The following NDUFAF7 variants were observed in gnomAD, a reference collection of about 807,000 sequenced individuals.
NDUFAF7 encodes the protein protein arginine methyltransferase NDUFAF7, mitochondrial.
Under a neutral mutation model 47.2 loss-of-function variants are expected in NDUFAF7, and 48 were observed. The observed-to-expected ratio is 1.02, with a 90% CI of 0.81 to 1.29. The LOEUF (loss-of-function observed/expected upper bound fraction) is 1.29, where lower values mean the gene tolerates loss of function less well. NDUFAF7 is among the 50% of genes most tolerant of loss of function. NDUFAF7 has a pLI of 0.00. For missense variants in NDUFAF7, 635 were observed against 537.6 expected (o/e 1.18, Z -1.79); for synonymous variants, 217 against 190.0 (o/e 1.14, Z -1.17).
In NDUFAF7 at chr2:37,241,773, C is replaced by G. The variant is rs1348349852; in HGVS notation, c.604C>G (p.Leu202Val). 1 of 1,613,504 alleles carries G rather than the reference C, an allele frequency of 6.2e-7. No homozygotes were observed. Among genetic ancestry groups the G allele is most frequent in the Non-Finnish European group, 8.5e-7 (1 of 1,179,966 alleles). ...SGIPISWYRD[L>V]HDVPKGYSFY... ...GATTCCAATTTCCTGGTACCGAGATCTGCACGATGTTCCAAAAGGTAATTA... is the reference window on the plus strand; with the variant it reads ...GATTCCAATTTCCTGGTACCGAGATGTGCACGATGTTCCAAAAGGTAATTA... The change falls in exon 5 of 10, where the codon CTG (leucine) becomes GTG (valine). Residue 202 changes from leucine to valine, a missense_variant. Physicochemically the swap from Leu to Val is conservative, Grantham distance 32 (BLOSUM62 1). Coordinates refer to ENST00000002125, the MANE Select transcript of NDUFAF7 (RefSeq NM_144736.5).
intron 4 of NDUFAF7, among the ~76,000 whole-genome samples, chr2:37,239,362 G>A (rs1021073488): frequency 2.0e-5 from 3 of 152,064 alleles, no homozygotes; most frequent in Admixed American, 6.5e-5. Flanking sequence ...GAAGTGGTCC[G>A]CCTGCCTCGG....
the NDUFAF7 span, chr2:37,268,613 G>C: frequency 3.8e-6 from 1 of 262,080 alleles, no homozygotes; most frequent in Non-Finnish European, 7.5e-6. Flanking sequence ...TTATTTGATG[G>C]AGAAATAGGT....
Position 37,247,547 on chromosome 2 carries a change from T to G in NDUFAF7, c.1028T>G (p.Met343Arg), listed in dbSNP as rs1415885197. ...GTGGACTTCAGTTATTTGCGAAGAA[T>G]GGCACAGGGAAAAGTAGCCTCTCTG... ...ADVDFSYLRR[M>R]AQGKVASLGP... The change falls in exon 9 of 10, where the codon ATG (methionine) becomes AGG (arginine). Residue 343 changes from methionine to arginine, a missense_variant. Coordinates refer to ENST00000002125, the MANE Select transcript of NDUFAF7 (RefSeq NM_144736.5). 1 of 1,613,978 alleles carries G rather than the reference T, an allele frequency of 6.2e-7. No individual in the cohort carries two copies. The highest frequency in any genetic ancestry group is 1.3e-5 in the African/African-American group (1 of 74,906).
the NDUFAF7 span, chr2:37,269,594 C>T: frequency 6.1e-4 from 969 of 1,588,210 alleles, 7 homozygotes; most frequent in African/African-American, 7.4e-3. Context: ...GTACAATATG[C>T]AAACGGCTGT....
chr2:37,265,488 T>TAA, the NDUFAF7 span, among the ~76,000 whole-genome samples: 2 of 150,152 alleles, frequency 1.3e-5, no homozygotes, highest in East Asian at 1.9e-4. Context: ...ATCTTTATAC[T>TAA]ACACACACAC....
intron 3 of NDUFAF7, among the ~76,000 whole-genome samples, chr2:37,236,424 A>G (rs1410149098): frequency 1.3e-5 from 2 of 152,108 alleles, no homozygotes; most frequent in Non-Finnish European, 2.9e-5. Flanking sequence ...AAAGAGAAAG[A>G]GAAGGAAAGG....
In NDUFAF7 at chr2:37,237,768, A is replaced by G. The variant is rs565504867; in HGVS notation, c.309A>G (p.Ile103Met). 1.4e-5 allele frequency: 23 copies of G among 1,607,296 alleles called. No homozygotes were observed. In the South Asian group the frequency reaches 1.9e-4, roughly 13 times the overall value. ...TTCCCTTTTCACAGCTACTAGGTAT[A>G]TGGTTCATTAGTGAATGGATGGCCA... ...ISQIFGELLG[I>M]WFISEWMATG... The change falls in exon 4 of 10, where the codon ATA (isoleucine) becomes ATG (methionine). Residue 103 changes from isoleucine (I) to methionine (M), a missense_variant. Coordinates refer to ENST00000002125, the MANE Select transcript of NDUFAF7 (RefSeq NM_144736.5).
chr2:37,263,879 T>C, the NDUFAF7 span, among the ~76,000 whole-genome samples: 1 of 152,352 alleles, frequency 6.6e-6, no homozygotes, highest in East Asian at 1.9e-4. Flanking sequence ...TCATTTTTCT[T>C]ATAGCTTTGG....
intron 7 of NDUFAF7, among the ~76,000 whole-genome samples, chr2:37,244,469 G>A (rs933884777): frequency 6.6e-6 from 1 of 152,106 alleles, no homozygotes; most frequent in African/African-American, 2.4e-5. Flanking sequence ...CTTCCACACA[G>A]ATCTCAGTTT....
chr2:37,271,092 T>C, the NDUFAF7 span, among the ~76,000 whole-genome samples: 2 of 152,240 alleles, frequency 1.3e-5, no homozygotes, highest in Admixed American at 1.3e-4. Flanking sequence ...CCAATCTTCA[T>C]TGCAGTCTTA....
chr2:37,254,466 G>C (rs1209793197), downstream of NDUFAF7, among the ~76,000 whole-genome samples: 1 of 152,188 alleles, frequency 6.6e-6, no homozygotes, highest in Non-Finnish European at 1.5e-5. Flanking sequence ...ACTGATTTAA[G>C]TGTATCTGTC....
chr2:37,264,559 G>C, the NDUFAF7 span, among the ~76,000 whole-genome samples: 1 of 152,146 alleles, frequency 6.6e-6, no homozygotes, highest in South Asian at 2.1e-4. Flanking sequence ...ATAGAATGTG[G>C]AGGCTTCATT....
intron 4 of NDUFAF7, 53 bp downstream of exon 4, chr2:37,237,920 C>G (rs910083872): frequency 1.6e-6 from 2 of 1,234,616 alleles, no homozygotes; most frequent in East Asian, 2.3e-5. Context: ...TTTAGTACTT[C>G]TGAGTGTGCA....
Position 37,241,664 on chromosome 2 carries a change from A to C in NDUFAF7, c.495A>C (p.Gln165His). The change falls in exon 5 of 10, where the codon CAA becomes CAC. Residue 165 changes from glutamine (Q) to histidine (H), a missense_variant. By Grantham distance (24) the Gln-to-His change is conservative. Coordinates refer to ENST00000002125, the MANE Select transcript of NDUFAF7 (RefSeq NM_144736.5). ...TAAGCCAAAAATTAAGTGAGATTCA[A>C]GCATTGACACTGACTAAAGAGAAGG... ...VEVSQKLSEI[Q>H]ALTLTKEKVP... 6.2e-7 allele frequency: 1 copy of C among 1,614,072 alleles called. No homozygotes were observed. Among genetic ancestry groups the C allele is most frequent in the Non-Finnish European group, 8.5e-7 (1 of 1,180,000 alleles).
chr2:37,253,181 G>C, downstream of NDUFAF7: 1 of 1,597,722 alleles, frequency 6.3e-7, no homozygotes, highest in Non-Finnish European at 8.5e-7. Context: ...CAGTGATTAA[G>C]GATCTTCTTC....
At chr2:37,257,666 C>CAAAA (rs1491483662), downstream of NDUFAF7, among the ~76,000 whole-genome samples, 17 of 62,430 alleles carry the variant, frequency 2.7e-4, no homozygotes, top group South Asian at 1.1e-3. Context: ...GACTCTGTCT[C>CAAAA]AAAAGAAAAA....
intron 3 of NDUFAF7, 105 bp downstream of exon 3, chr2:37,236,281 C>A: frequency 9.7e-7 from 1 of 1,034,500 alleles, no homozygotes; most frequent in Non-Finnish European, 1.5e-6. Context: ...TGTGATTCAT[C>A]AAAAGTTTTA....
the NDUFAF7 span, among the ~76,000 whole-genome samples, chr2:37,264,505 T>G: frequency 2.4e-5 from 2 of 84,026 alleles, no homozygotes; most frequent in Non-Finnish European, 4.6e-5. Context: ...GAAAAAGAGT[T>G]AAGGTAGGGG....
At position 37,243,883 on chromosome 2, in the gene NDUFAF7, A is replaced by G. The variant is rs1485650267; in HGVS notation, c.702A>G (p.Arg234=). The G allele has an allele frequency of 6.2e-7, 1 of 1,613,922 alleles. No individual in the cohort carries two copies. The highest frequency in any genetic ancestry group is 1.3e-5 in the African/African-American group (1 of 74,918). The part of the protein sequence containing the change: ...HKFQKTPQGW[R]EVFVDIDPQV... ...TTTAGAAAACACCACAGGGATGGCG[A>G]GAAGTATTTGTTGACATTGATCCAC... Residue 234 remains arginine (R), a synonymous_variant, in exon 7 of 10, where the codon CGA becomes CGG. Transcript: ENST00000002125.
Sources: allele counts gnomAD v4.1 joint callset (sites outside exome capture counted in the v4.1 genomes callset), GRCh38; gene constraint gnomAD v4.1.1; transcripts MANE v1.5; gene names NCBI Gene and HGNC (gene_info 2026-07-23, HGNC 2026-07-21).